SLC35F4: variants seen among roughly 807,000 people sequenced by gnomAD.
SLC35F4 encodes solute carrier family 35 member F4, also known as chromosome 14 open reading frame 36.
Under a neutral mutation model 44.2 loss-of-function variants are expected in SLC35F4, and 24 were observed. The observed-to-expected ratio is 0.54, with a 90% CI of 0.39 to 0.76. SLC35F4 has a LOEUF of 0.76. Among genes scored for constraint, SLC35F4 ranks in the 30% least tolerant of loss-of-function variants. The pLI, the probability that SLC35F4 is intolerant of heterozygous loss-of-function variation, is 0.00. For synonymous variants in SLC35F4, 238 were observed against 223.6 expected, an observed-to-expected ratio of 1.06 and a Z score of -0.57; for missense variants, 562 against 586.1, an observed-to-expected ratio of 0.96 and a Z score of 0.42.
rs1352537488 is a variant in SLC35F4, at chr14:57,865,938, C to T, written c.-113G>A. On this transcript the variant is annotated 5_prime_UTR_variant, in exon 1 of 8. Coordinates refer to ENST00000556826, the MANE Select transcript of SLC35F4 (RefSeq NM_001306087.2). Reference sequence around the variant, plus strand: ...GTGCTGATCTTGCAGCTCCTGCTCCCGCGCCCGGGCTCTGACTCCACCGCC... The same window carrying T: ...GTGCTGATCTTGCAGCTCCTGCTCCTGCGCCCGGGCTCTGACTCCACCGCC... The T allele has an allele frequency of 3.2e-6, 2 of 617,034 alleles. No individual in the cohort carries two copies. Among genetic ancestry groups the T allele is most frequent in the Non-Finnish European group, 5.1e-6 (2 of 395,996 alleles). 38.2% of individuals were successfully genotyped at this position (617,034 alleles called of 1,614,324 possible).
intron 1 of SLC35F4, among the ~76,000 whole-genome samples, chr14:57,668,051 T>C (rs1436965647): frequency 6.0e-5 from 9 of 149,096 alleles, no homozygotes; most frequent in Admixed American, 6.0e-4. Context: ...TGGTATCTCA[T>C]TGTGGTTTTG....
intron 1 of SLC35F4, among the ~76,000 whole-genome samples, chr14:57,969,788 C>T (rs893106781): frequency 1.3e-5 from 2 of 152,024 alleles, no homozygotes; most frequent in African/African-American, 4.8e-5. Flanking sequence ...ACATATTTTT[C>T]CTTCTTTTGA....
intron 4 of SLC35F4, among the ~76,000 whole-genome samples, chr14:57,575,515 T>C (rs2068738576): frequency 6.6e-6 from 1 of 151,892 alleles, no homozygotes; most frequent in Admixed American, 6.6e-5. Flanking sequence ...AAAAAAAAAC[T>C]CACCATTACC....
At chr14:57,610,668 G>C (rs1260263225) in intron 1 of SLC35F4, among the ~76,000 whole-genome samples, 4 of 152,128 alleles carry the variant, frequency 2.6e-5, no homozygotes, top group Non-Finnish European at 5.9e-5. Flanking sequence ...TTATGTGCTT[G>C]TGTCTCCAAC....
upstream of SLC35F4, among the ~76,000 whole-genome samples, chr14:57,870,640 G>A (rs1364981749): frequency 6.6e-6 from 1 of 152,150 alleles, no homozygotes; most frequent in African/African-American, 2.4e-5. Context: ...CTATTTCATA[G>A]TATTGCTGTG....
At chr14:57,812,878 CTG>C (rs976449952) in intron 1 of SLC35F4, among the ~76,000 whole-genome samples, 6 of 152,136 alleles carry the variant, frequency 3.9e-5, no homozygotes, top group African/African-American at 1.4e-4. Context: ...ATTAGATGTC[CTG>C]AGACCACAGG....
intron 1 of SLC35F4, among the ~76,000 whole-genome samples, chr14:57,700,938 A>G (rs901095595): frequency 2.6e-5 from 4 of 152,042 alleles, no homozygotes; most frequent in Non-Finnish European, 4.4e-5. Context: ...AAAACAACAA[A>G]AAATTCTTTT....
intron 2 of SLC35F4, among the ~76,000 whole-genome samples, chr14:57,590,264 A>G (rs1279301675): frequency 1.3e-5 from 2 of 151,286 alleles, no homozygotes; most frequent in East Asian, 3.9e-4. Context: ...GAGGTGGCAT[A>G]TACCTTTAGT....
chr14:57,695,328 AAAAC>A (rs1357095917), intron 1 of SLC35F4, among the ~76,000 whole-genome samples: 4 of 151,800 alleles, frequency 2.6e-5, no homozygotes, highest in Non-Finnish European at 4.4e-5. Flanking sequence ...TTACAAGAAA[AAAAC>A]AAACAACCCC....
At chr14:57,704,750 CCT>C (rs1401822489) in intron 1 of SLC35F4, among the ~76,000 whole-genome samples, 1 of 152,098 alleles carries the variant, frequency 6.6e-6, no homozygotes, top group African/African-American at 2.4e-5. Context: ...CTTCTGTGGC[CCT>C]GTGTGCATTT....
chr14:57,767,997 CTG>C (rs1043067688), intron 1 of SLC35F4, among the ~76,000 whole-genome samples: 2 of 152,202 alleles, frequency 1.3e-5, no homozygotes, highest in Admixed American at 6.5e-5. Flanking sequence ...ATTACAGAAA[CTG>C]AATTCATTAT....
intron 1 of SLC35F4, among the ~76,000 whole-genome samples, chr14:57,937,632 AAAG>A (rs1297557306): frequency 6.0e-5 from 8 of 133,718 alleles, no homozygotes; most frequent in African/African-American, 9.2e-5. Context: ...AAAGAAAAGA[AAAG>A]AAAAGAAAAG....
At chr14:57,764,954 C>G (rs368318165) in intron 1 of SLC35F4, among the ~76,000 whole-genome samples, 2 of 152,110 alleles carry the variant, frequency 1.3e-5, no homozygotes, top group East Asian at 3.8e-4. Flanking sequence ...TATTGGAAAT[C>G]CTCAGCACTG....
chr14:57,731,558 G>A (rs2140474149), intron 1 of SLC35F4, among the ~76,000 whole-genome samples: 1 of 152,266 alleles, frequency 6.6e-6, no homozygotes, highest in Non-Finnish European at 1.5e-5. Context: ...ACTGGTTCGA[G>A]CAGCAGATCC....
chr14:57,777,725 C>G (rs754799095), intron 1 of SLC35F4, among the ~76,000 whole-genome samples: 1 of 151,962 alleles, frequency 6.6e-6, no homozygotes, highest in Non-Finnish European at 1.5e-5. Context: ...CACATGTATA[C>G]CTATGTAACA....
intron 4 of SLC35F4, 27 bp downstream of exon 4, chr14:57,581,187 C>T (rs117786916): frequency 0.01 from 15,010 of 1,488,516 alleles, 92 homozygotes; most frequent in Middle Eastern, 0.024. Flanking sequence ...AGGCAGGCAT[C>T]GCGCATTGAA....
At chr14:57,950,108 C>A (rs971487056) in intron 1 of SLC35F4, among the ~76,000 whole-genome samples, 53 of 152,228 alleles carry the variant, frequency 3.5e-4, no homozygotes, top group African/African-American at 1.3e-3. Context: ...CTCAATTATT[C>A]CCTCAAATAT....
At chr14:57,637,472 C>T (rs146877261) in intron 1 of SLC35F4, among the ~76,000 whole-genome samples, 6 of 152,172 alleles carry the variant, frequency 3.9e-5, no homozygotes, top group Admixed American at 1.3e-4. Context: ...CCTGTGGTGG[C>T]GAAGGGAAGT....
chr14:57,719,896 A>G (rs2076041949), intron 1 of SLC35F4, among the ~76,000 whole-genome samples: 2 of 152,110 alleles, frequency 1.3e-5, no homozygotes, highest in Non-Finnish European at 2.9e-5. Flanking sequence ...CAGATCTAAG[A>G]GGAAAGGCTT....
Sources: allele counts gnomAD v4.1 joint callset (sites outside exome capture counted in the v4.1 genomes callset), GRCh38; gene constraint gnomAD v4.1.1; transcripts MANE v1.5; gene names NCBI Gene and HGNC (gene_info 2026-07-23, HGNC 2026-07-21).